The following CCP110 variants were observed in gnomAD, a reference collection of about 807,000 sequenced individuals.
The protein encoded by CCP110 is centriolar coiled-coil protein of 110 kDa.
Under a neutral mutation model 105.5 loss-of-function variants are expected in CCP110, and 43 were observed. That is an observed-to-expected ratio of 0.41 (90% CI 0.32 to 0.53). The LOEUF (loss-of-function observed/expected upper bound fraction) is 0.53. Ranked by LOEUF, CCP110 falls within the 20% of genes least tolerant of loss-of-function variation. CCP110 has a pLI of 0.32. For missense variants in CCP110, 1,016 were observed against 1,189.1 expected (o/e 0.85, Z 2.14); for synonymous variants, 353 against 392.1 (o/e 0.90, Z 1.18).
chr16:19,540,436 T>C (rs969797220), intron 4 of CCP110, among the ~76,000 whole-genome samples: 20 of 152,164 alleles, frequency 1.3e-4, no homozygotes, highest in African/African-American at 4.6e-4. Context: ...ATGGGATCTG[T>C]TGAATGAGTG....
At chr16:19,538,061 G>C (rs1048384325) in intron 4 of CCP110, among the ~76,000 whole-genome samples, 1 of 152,106 alleles carries the variant, frequency 6.6e-6, no homozygotes, top group Non-Finnish European at 1.5e-5. Flanking sequence ...ACGACACCCA[G>C]CCAGGATTTT....
chr16:19,546,168 A>G (rs8182156), intron 11 of CCP110: 77,833 of 517,630 alleles, frequency 0.15, 6,204 homozygotes, highest in Admixed American at 0.19. Context: ...GTGCCTAAAT[A>G]TATTCCTTTT....
rs543691187 is a variant in CCP110, at chr16:19,535,862, A to AT, written c.271-74dup. The stretch of plus-strand genomic sequence containing the variant: ...TCAGAATTCTGAATTTTCAATTTCA[A>AT]TTTTATTTTAGAAAACAGTGAAATC... On this transcript the variant is annotated intron_variant, in intron 3 of 14. Transcript: ENST00000381396. 409 of 1,028,936 alleles carry AT rather than the reference A, an allele frequency of 4.0e-4. 5 individuals carry two copies. The East Asian group carries it at 1.0e-2, about 25-fold the overall frequency. 63.7% of individuals were successfully genotyped at this position (1,028,936 alleles called of 1,614,324 possible). A position where few individuals can be genotyped will look rare whatever the true frequency, so the allele number is the denominator to read the frequency against.
chr16:19,547,977 C>G lies in CCP110; in HGVS notation c.2863C>G (p.Gln955Glu), dbSNP rs748764151. ...CAGAGTCCTTCAGCCAAACCAAGGA[C>G]AGAATGCACCTGTTCATAGGCTACT... is the stretch of plus-strand genomic sequence containing the variant. The change falls in exon 13 of 15, where the codon CAG (glutamine) becomes GAG (glutamate). Residue 955 changes from glutamine (Q) to glutamate (E), a missense_variant. Transcript: ENST00000381396. 6.2e-7 allele frequency: 1 copy of G among 1,611,980 alleles called. No individual in the cohort carries two copies. Among genetic ancestry groups the G allele is most frequent in the East Asian group, 2.2e-5 (1 of 44,832 alleles).
chr16:19,536,603 A>C lies in CCP110; in HGVS notation c.934A>C (p.Met312Leu), dbSNP rs761555016. 27 of 1,614,070 alleles carry C rather than the reference A, an allele frequency of 1.7e-5. 1 individual carries two copies. The highest frequency in any genetic ancestry group is 3.3e-4 in the Middle Eastern group (2 of 6,084). ...AGGTGCTTCCACTCAAGCAAGCAGC[A>C]TGAGTATGCCAGTTTTAGCTAGCTT... The change falls in exon 4 of 15, where the codon ATG becomes CTG. Residue 312 changes from methionine to leucine, a missense_variant. Transcript: ENST00000381396.
chr16:19,547,708 A>C (rs957967285), intron 12 of CCP110: 1 of 354,914 alleles, frequency 2.8e-6, no homozygotes, highest in Non-Finnish European at 5.1e-6. Context: ...TAAAAGCACA[A>C]GGGTTAGTCT....
At chr16:19,532,448 A>G in exon 3 of CCP110, 5 of 1,605,502 alleles carry the variant, frequency 3.1e-6, no homozygotes, top group Non-Finnish European at 4.2e-6. Flanking sequence ...AAATGCAACA[A>G]GAAAAGCAGA....
intron 8 of CCP110, among the ~76,000 whole-genome samples, chr16:19,544,235 C>G (rs918457958): frequency 1.3e-5 from 2 of 152,110 alleles, no homozygotes; most frequent in Non-Finnish European, 2.9e-5. Context: ...GGGCTGGTCC[C>G]CCCAATAATC....
exon 9 of CCP110, chr16:19,544,817 A>G: frequency 6.3e-7 from 1 of 1,578,024 alleles, no homozygotes; most frequent in Non-Finnish European, 8.7e-7. Flanking sequence ...AATTCATAAG[A>G]AGTTTTCAGT....
exon 15 of CCP110, chr16:19,551,324 T>C (rs1970634401): frequency 8.4e-7 from 1 of 1,188,268 alleles, no homozygotes; most frequent in Non-Finnish European, 1.3e-6. Context: ...AGACTTTATT[T>C]AACCCTGGAC....
intron 8 of CCP110, among the ~76,000 whole-genome samples, chr16:19,543,901 C>T (rs867268438): frequency 1.3e-5 from 2 of 151,360 alleles, no homozygotes; most frequent in Admixed American, 6.6e-5. Flanking sequence ...ACAATACGTG[C>T]ACAGCTGAAC....
Position 19,548,781 on chromosome 16 carries a change from G to A in CCP110, c.2986+181G>A, listed in dbSNP as rs983778237. ...ATTGTATGGCAGTCAGGAAGTCTTAGTAAAAGTGTGATTCCAGTCTTCATT... is the reference window on the plus strand; with the variant it reads ...ATTGTATGGCAGTCAGGAAGTCTTAATAAAAGTGTGATTCCAGTCTTCATT... On this transcript the variant is annotated intron_variant, in intron 14 of 14. Transcript: ENST00000381396. The surrounding 1 kb of genome is among the most constrained non-coding windows in gnomAD (Gnocchi z 4.1). 1.3e-5 allele frequency among the ~76,000 whole-genome samples: 2 copies of A among 152,196 alleles called. No individual in the cohort carries two copies. Among genetic ancestry groups the A allele is most frequent in the Admixed American group, 6.5e-5 (1 of 15,282 alleles).
At chr16:19,550,874 T>C (rs551827706) in intron 14 of CCP110, among the ~76,000 whole-genome samples, 1 of 152,302 alleles carries the variant, frequency 6.6e-6, no homozygotes, top group African/African-American at 2.4e-5. Context: ...GTTTATATAG[T>C]GAAATTCAGA....
At chr16:19,544,983 A>T in intron 9 of CCP110, 85 bp downstream of exon 9, 6 of 997,570 alleles carry the variant, frequency 6.0e-6, no homozygotes, top group African/African-American at 3.3e-5. Flanking sequence ...ATAGGTTTCA[A>T]TGAAAACTAT....
intron 4 of CCP110, 88 bp from the exon 5 acceptor site, chr16:19,540,569 G>A (rs1970240737): frequency 8.9e-7 from 1 of 1,129,308 alleles, no homozygotes; most frequent in Non-Finnish European, 1.3e-6. Flanking sequence ...ATACTCTCTT[G>A]TCAGAAGGAT....
intron 2 of CCP110, among the ~76,000 whole-genome samples, chr16:19,531,263 C>T (rs1238000648): frequency 6.6e-6 from 1 of 152,144 alleles, no homozygotes; most frequent in Non-Finnish European, 1.5e-5. Context: ...TATTTATAAG[C>T]AAAATGTGAT....
exon 4 of CCP110, chr16:19,536,825 T>C (rs755961882): frequency 6.2e-7 from 1 of 1,614,128 alleles, no homozygotes; most frequent in Admixed American, 1.7e-5. Context: ...ATCATCAGCG[T>C]GTCATATACT....
At chr16:19,542,189 G>T in intron 6 of CCP110, 125 bp downstream of exon 6, 1 of 632,066 alleles carries the variant, frequency 1.6e-6, no homozygotes, top group Non-Finnish European at 2.6e-6. Context: ...TTTGCCAGCT[G>T]CTTAGTAACC....
At chr16:19,542,735 G>A in exon 7 of CCP110, 1 of 1,613,666 alleles carries the variant, frequency 6.2e-7, no homozygotes, top group South Asian at 1.1e-5. Flanking sequence ...AGGCCTTTTG[G>A]AAGAGCCAAA....
Sources: gnomAD v4.1 joint callset for allele counts (sites outside exome capture counted in the v4.1 genomes callset) on GRCh38, gnomAD v4.1.1 for gene constraint, Gnocchi (gnomAD v3.1) non-coding constraint, MANE v1.5 for transcripts, NCBI Gene and HGNC (gene_info 2026-07-23, HGNC 2026-07-21) for gene names.